CEP295: variants seen among roughly 807,000 people sequenced by gnomAD.
CEP295 encodes the protein centrosomal protein of 295 kDa.
In CEP295, 190 loss-of-function variants were observed where a neutral mutation model predicts 291.6. The observed-to-expected ratio is 0.65, with a 90% confidence interval of 0.58 to 0.73. The LOEUF is 0.73. CEP295 is among the 30% of genes least tolerant of loss of function. The pLI is 0.00. For missense variants in CEP295, 2,863 were observed against 2,949.4 expected (o/e 0.97, Z 0.68); for synonymous variants, 993 against 1,038.8 (o/e 0.96, Z 0.85).
intron 18 of CEP295, among the ~76,000 whole-genome samples, chr11:93,717,568 A>G (rs1005434270): frequency 3.3e-5 from 5 of 152,180 alleles, no homozygotes; most frequent in Non-Finnish European, 7.3e-5. Flanking sequence ...GTACCTGAAA[A>G]GTTCTTATCT....
At chr11:93,710,689 A>G (rs1952833842) in intron 18 of CEP295, among the ~76,000 whole-genome samples, 1 of 152,144 alleles carries the variant, frequency 6.6e-6, no homozygotes, top group African/African-American at 2.4e-5. Context: ...TGGGATTGGT[A>G]TTAGTTTGCC....
intron 5 of CEP295, among the ~76,000 whole-genome samples, chr11:93,672,646 G>A (rs1316688804): frequency 6.6e-6 from 1 of 152,120 alleles, no homozygotes; most frequent in Non-Finnish European, 1.5e-5. Context: ...AGAGTAGAAA[G>A]CTGGTTTTGT....
chr11:93,683,784 G>A (rs1193831509), intron 8 of CEP295, 42 bp downstream of exon 8: 16 of 1,497,620 alleles, frequency 1.1e-5, no homozygotes, highest in East Asian at 2.5e-5. Flanking sequence ...GATTTTATAC[G>A]TTTTGGTGGG....
rs759325030 is a variant in CEP295 at position 93,668,934 on chromosome 11, T to C, written c.434+2T>C. The C allele has an allele frequency of 6.4e-6, 7 of 1,095,068 alleles. No homozygotes were observed. The highest frequency in any genetic ancestry group is 9.3e-6 in the Non-Finnish European group (7 of 754,928). 67.8% of individuals were successfully genotyped at this position (1,095,068 alleles called of 1,614,324 possible). A position where few individuals can be genotyped will look rare whatever the true frequency, so the allele number is the denominator to read the frequency against. On this transcript the variant is annotated splice_donor_variant, in intron 4 of 29. Coordinates refer to ENST00000325212, the MANE Select transcript of CEP295 (RefSeq NM_033395.2). LOFTEE classifies it high-confidence loss of function. ...AATATTACTGAAACAAAAAACCTGG[T>C]AAAGTAATAATTTTTACTATAATCT... is the stretch of plus-strand genomic sequence containing the variant.
At chr11:93,721,278 T>C (rs1953693456) in intron 18 of CEP295, 34 bp from the exon 19 acceptor site, 2 of 1,200,978 alleles carry the variant, frequency 1.7e-6, no homozygotes, top group African/African-American at 3.0e-5. Flanking sequence ...ACTATATTTT[T>C]CTCCCATCTT....
intron 15 of CEP295, among the ~76,000 whole-genome samples, chr11:93,701,074 G>A (rs1952127984): frequency 6.6e-6 from 1 of 152,086 alleles, no homozygotes; most frequent in Non-Finnish European, 1.5e-5. Context: ...ATTTTAAAAG[G>A]CCAGTTCTGC....
intron 1 of CEP295, among the ~76,000 whole-genome samples, chr11:93,663,710 CA>C (rs1950088842): frequency 6.6e-6 from 1 of 152,030 alleles, no homozygotes; most frequent in African/African-American, 2.4e-5. Flanking sequence ...AAATTATACA[CA>C]AGAAGAAACA....
intron 18 of CEP295, among the ~76,000 whole-genome samples, chr11:93,714,341 T>C (rs1953096277): frequency 1.3e-5 from 2 of 152,114 alleles, no homozygotes; most frequent in South Asian, 4.2e-4. Context: ...ACTTCTGCCT[T>C]CCAGGTTCAG....
rs1395902054 is a variant in CEP295, at chr11:93,669,762, C to T, written c.520C>T (p.Leu174Phe). The T allele has an allele frequency of 6.5e-7, 1 of 1,547,606 alleles. No homozygotes were observed. The highest frequency in any genetic ancestry group is 2.4e-5 in the East Asian group (1 of 40,828). ...ITSLPPPPPT[L>F]FENIEVKRIS... ...AAGTCTGCCACCTCCTCCTCCAACT[C>T]TTTTTGAGGTGAGTTTGAGTATTAA... Residue 174 changes from leucine to phenylalanine, a missense_variant, in exon 5 of 30, where the codon CTT (leucine) becomes TTT (phenylalanine). By Grantham distance (22) the Leu-to-Phe change is conservative. Around this residue, in one of 3 missense-constraint regions of CEP295, gnomAD observed 554 missense variants for 576.0 expected, o/e 0.96. Coordinates refer to ENST00000325212, the MANE Select transcript of CEP295 (RefSeq NM_033395.2).
intron 18 of CEP295, among the ~76,000 whole-genome samples, chr11:93,720,198 C>T (rs1027466026): frequency 1.1e-4 from 16 of 151,704 alleles, no homozygotes; most frequent in Non-Finnish European, 1.8e-4. Context: ...TCTCGCCAGG[C>T]GTGGTGGCTC....
At chr11:93,671,659 A>G (rs528021865) in intron 5 of CEP295, among the ~76,000 whole-genome samples, 1 of 152,286 alleles carries the variant, frequency 6.6e-6, no homozygotes, top group South Asian at 2.1e-4. Context: ...TGTTTGGGAT[A>G]AGGCAGTGTT....
At chr11:93,688,616 G>A (rs10831093) in intron 10 of CEP295, among the ~76,000 whole-genome samples, 59,183 of 151,862 alleles carry the variant, frequency 0.39, 13,078 homozygotes, top group Non-Finnish European at 0.49. Context: ...CATTTTCTTC[G>A]CTGTTTATCC....
At chr11:93,662,100 C>G (rs1950018168) in intron 1 of CEP295, among the ~76,000 whole-genome samples, 1 of 152,230 alleles carries the variant, frequency 6.6e-6, no homozygotes, top group African/African-American at 2.4e-5. Flanking sequence ...TCCCCCAGAT[C>G]ACCCGCGGAC....
In CEP295 at chr11:93,727,731, C is replaced by T. The variant is rs60264207; in HGVS notation, c.7161+94C>T. ...AATTAGAGATGAAGTTCCCACTATGCTACCCAGGCTGAACTCAAACTCCTA... is the reference window on the plus strand; with the variant it reads ...AATTAGAGATGAAGTTCCCACTATGTTACCCAGGCTGAACTCAAACTCCTA... On this transcript the variant is annotated intron_variant, in intron 24 of 29. Transcript: ENST00000325212. The T allele has an allele frequency of 4.2e-3, 4,228 of 1,008,974 alleles. 116 individuals are homozygous for T. In the East Asian group the frequency reaches 0.069, roughly 17 times the overall value. 62.5% of individuals were successfully genotyped at this position (1,008,974 alleles called of 1,614,324 possible).
At chr11:93,680,132 C>T (rs1451585119) in intron 7 of CEP295, among the ~76,000 whole-genome samples, 1 of 152,102 alleles carries the variant, frequency 6.6e-6, no homozygotes, top group African/African-American at 2.4e-5. Flanking sequence ...GAAAAATTAG[C>T]CAGGCATGGT....
At chr11:93,694,323 A>G (rs549726462) in intron 12 of CEP295, among the ~76,000 whole-genome samples, 6 of 152,320 alleles carry the variant, frequency 3.9e-5, no homozygotes, top group African/African-American at 1.4e-4. Flanking sequence ...GATGCTTAAT[A>G]GTACCAAACT....
intron 17 of CEP295, among the ~76,000 whole-genome samples, chr11:93,705,422 C>CTG (rs1270376624): frequency 3.3e-5 from 5 of 152,122 alleles, no homozygotes; most frequent in African/African-American, 1.2e-4. Context: ...TTGAGAAATA[C>CTG]TGATCTATAT....
chr11:93,728,497 C>A, intron 24 of CEP295, 184 bp from the exon 25 acceptor site: 1 of 487,950 alleles, frequency 2.0e-6, no homozygotes, highest in Non-Finnish European at 3.6e-6. Context: ...ATTTCTACAA[C>A]TGAATGCTGG....
At chr11:93,724,167 TAATA>T in intron 21 of CEP295, 83 bp from the exon 22 acceptor site, 1 of 1,243,860 alleles carries the variant, frequency 8.0e-7, no homozygotes, top group Non-Finnish European at 1.1e-6. Flanking sequence ...AATATGTTCT[TAATA>T]CTCCTTTTCT....
Sources: gnomAD v4.1 joint callset for allele counts (sites outside exome capture counted in the v4.1 genomes callset) on GRCh38, gnomAD v4.1.1 for gene constraint, gnomAD v4.1.1 regional missense constraint, MANE v1.5 for transcripts, NCBI Gene and HGNC (gene_info 2026-07-23, HGNC 2026-07-21) for gene names.